The following PTPRD variants were observed in gnomAD, a reference collection of about 807,000 sequenced individuals.
PTPRD encodes receptor-type tyrosine-protein phosphatase delta.
Under a neutral mutation model 214.5 loss-of-function variants are expected in PTPRD, and 34 were observed. The ratio of observed to expected loss-of-function variants is 0.16; its 90% CI spans 0.12 to 0.21. PTPRD has a LOEUF of 0.21. PTPRD is among the 10% of genes least tolerant of loss of function. The probability of loss-of-function intolerance (pLI) is 1.00; values close to 1 mark genes in which losing one functional copy is unlikely to be tolerated. For missense variants in PTPRD, 2,545 were observed against 2,398.7 expected, an observed-to-expected ratio of 1.06 and a Z score of -1.27; for synonymous variants, 1,128 against 845.7, an observed-to-expected ratio of 1.33 and a Z score of -5.79.
chr9:9,004,501 G>A (rs1218478419), intron 11 of PTPRD, among the ~76,000 whole-genome samples: 1 of 151,664 alleles, frequency 6.6e-6, no homozygotes, highest in Admixed American at 6.6e-5. Context: ...CTTGGCTCTT[G>A]TTGGCTAAGA....
At chr9:9,121,660 G>A (rs1353142394) in intron 10 of PTPRD, among the ~76,000 whole-genome samples, 2 of 152,066 alleles carry the variant, frequency 1.3e-5, no homozygotes, top group South Asian at 4.1e-4. Flanking sequence ...ATGGACTTTG[G>A]GGACTTGGTG....
chr9:9,146,712 A>G (rs1449816039), intron 10 of PTPRD, among the ~76,000 whole-genome samples: 7 of 152,192 alleles, frequency 4.6e-5, no homozygotes, highest in African/African-American at 1.7e-4. Flanking sequence ...TATTTCTGAC[A>G]TAAGTAAAAA....
rs192097696 is a variant in PTPRD, at chr9:10,138,042, A to C, written c.-544-104252T>G. On this transcript the variant is annotated intron_variant, in intron 3 of 45. Transcript: ENST00000381196. Reference sequence around the variant, plus strand: ...CAGAAGAAAAGAAACAACAAAAATCAGAGAAGCACTGAAGAAAATTGATAT... The same window carrying C: ...CAGAAGAAAAGAAACAACAAAAATCCGAGAAGCACTGAAGAAAATTGATAT... 4.0e-4 allele frequency among the ~76,000 whole-genome samples: 61 copies of C among 152,238 alleles called. No homozygotes were observed. In the East Asian group the frequency reaches 0.012, roughly 29 times the overall value.
chr9:8,373,864 G>GTCTA (rs368216657), intron 39 of PTPRD, among the ~76,000 whole-genome samples: 13 of 107,938 alleles, frequency 1.2e-4, no homozygotes, highest in Admixed American at 2.1e-4. Context: ...GTGTCTGTCT[G>GTCTA]TCTATCTATC....
chr9:9,824,325 T>G (rs778847020), intron 5 of PTPRD, among the ~76,000 whole-genome samples: 2 of 152,002 alleles, frequency 1.3e-5, no homozygotes, highest in South Asian at 4.1e-4. Flanking sequence ...CTGAAATTTA[T>G]TTTATATTAA....
At chr9:8,594,909 C>G (rs1023437579) in intron 14 of PTPRD, among the ~76,000 whole-genome samples, 5 of 143,076 alleles carry the variant, frequency 3.5e-5, no homozygotes, top group African/African-American at 1.3e-4. Context: ...GTCACCCAGG[C>G]TGGAGTGCAG....
intron 2 of PTPRD, among the ~76,000 whole-genome samples, chr9:10,499,892 G>T (rs2181155): frequency 0.27 from 40,365 of 151,612 alleles, 5,949 homozygotes; most frequent in Non-Finnish European, 0.33. Flanking sequence ...TTAAAAAAAT[G>T]TTAATTTTAA....
At chr9:9,213,651 A>T (rs1397660948) in intron 9 of PTPRD, among the ~76,000 whole-genome samples, 1 of 152,202 alleles carries the variant, frequency 6.6e-6, no homozygotes, top group Non-Finnish European at 1.5e-5. Context: ...ATACAGACAC[A>T]TTATGCAAAA....
At chr9:8,666,789 C>T (rs1448762347) in intron 12 of PTPRD, among the ~76,000 whole-genome samples, 1 of 152,134 alleles carries the variant, frequency 6.6e-6, no homozygotes, top group Non-Finnish European at 1.5e-5. Context: ...AACATAACTG[C>T]CCCCTCGAGT....
At position 8,371,316 on chromosome 9, in the gene PTPRD, T is replaced by C. The variant is rs569653391; in HGVS notation, c.4661+4620A>G. The stretch of plus-strand genomic sequence containing the variant: ...ACTATTTTTGTAAAAATTACTAAAA[T>C]GCCATATGTAATTCAACAAACTTGG... On this transcript the variant is annotated intron_variant, in intron 39 of 45. Coordinates refer to ENST00000381196, the MANE Select transcript of PTPRD (RefSeq NM_002839.4). Among the ~76,000 whole-genome samples, 166 of 152,208 alleles carry C rather than the reference T, an allele frequency of 1.1e-3. 1 individual carries two copies. In the Middle Eastern group the frequency reaches 0.031, roughly 28 times the overall value.
At chr9:9,818,327 G>C (rs909721446) in intron 5 of PTPRD, among the ~76,000 whole-genome samples, 1 of 152,058 alleles carries the variant, frequency 6.6e-6, no homozygotes, top group African/African-American at 2.4e-5. Flanking sequence ...TGGTGAGGGA[G>C]GTAAGCCTTT....
intron 25 of PTPRD, among the ~76,000 whole-genome samples, chr9:8,499,052 G>A (rs1457001831): frequency 6.6e-6 from 1 of 151,814 alleles, no homozygotes; most frequent in African/African-American, 2.4e-5. Context: ...TTGGTTCAAC[G>A]TAAGGATCCC....
At chr9:9,604,176 C>T (rs2093990490) in intron 7 of PTPRD, among the ~76,000 whole-genome samples, 1 of 152,032 alleles carries the variant, frequency 6.6e-6, no homozygotes, top group African/African-American at 2.4e-5. Flanking sequence ...ACTGATTAAA[C>T]TGTCTAAATG....
intron 9 of PTPRD, among the ~76,000 whole-genome samples, chr9:9,329,025 T>C (rs1377344174): frequency 6.6e-6 from 1 of 152,104 alleles, no homozygotes; most frequent in Non-Finnish European, 1.5e-5. Context: ...TTTTTTTCTT[T>C]CTTTATCTTT....
intron 5 of PTPRD, among the ~76,000 whole-genome samples, chr9:9,929,317 C>A (rs2085512025): frequency 6.6e-6 from 1 of 152,170 alleles, no homozygotes; most frequent in African/African-American, 2.4e-5. Flanking sequence ...TCAACCTGGG[C>A]AGCCCTTCCT....
chr9:8,990,635 C>CA (rs978515477), intron 11 of PTPRD, among the ~76,000 whole-genome samples: 1 of 151,966 alleles, frequency 6.6e-6, no homozygotes, highest in South Asian at 2.1e-4. Context: ...CAAAGCCAGC[C>CA]AAAAAAACTA....
chr9:9,282,980 G>A (rs537380185), intron 9 of PTPRD, among the ~76,000 whole-genome samples: 3 of 151,306 alleles, frequency 2.0e-5, no homozygotes, highest in African/African-American at 7.3e-5. Flanking sequence ...TCTTCCACAG[G>A]GGACAATATC....
intron 10 of PTPRD, among the ~76,000 whole-genome samples, chr9:9,045,845 G>A (rs192631106): frequency 2.0e-5 from 3 of 152,228 alleles, no homozygotes; most frequent in African/African-American, 7.2e-5. Flanking sequence ...GAGATATGCA[G>A]ACTTTTTAGG....
At chr9:9,998,776 A>T (rs544144113) in intron 4 of PTPRD, among the ~76,000 whole-genome samples, 1 of 152,102 alleles carries the variant, frequency 6.6e-6, no homozygotes, top group Non-Finnish European at 1.5e-5. Flanking sequence ...CTCTAACAAG[A>T]CCACTTGAGA....
Sources: allele counts gnomAD v4.1 joint callset (sites outside exome capture counted in the v4.1 genomes callset), GRCh38; gene constraint gnomAD v4.1.1; transcripts MANE v1.5; gene names NCBI Gene and HGNC (gene_info 2026-07-23, HGNC 2026-07-21).